INF2: variants seen among roughly 807,000 people sequenced by gnomAD.
INF2 encodes inverted formin-2.
INF2 carries 43 observed loss-of-function variants against 123.5 expected under a neutral mutation model. The ratio of observed to expected loss-of-function variants is 0.35; its 90% CI spans 0.27 to 0.45. INF2 has a LOEUF of 0.45. Ranked by LOEUF, INF2 falls within the 20% of genes least tolerant of loss-of-function variation. The probability of loss-of-function intolerance (pLI) is 1.00; values close to 1 mark genes in which losing one functional copy is unlikely to be tolerated. For missense variants in INF2, 1,453 were observed against 1,682.7 expected (o/e 0.86, Z 2.39); for synonymous variants, 851 against 745.0 (o/e 1.14, Z -2.32).
chr14:104,711,227 TC>T (rs969503914), intron 15 of INF2, 41 bp downstream of exon 15: 5 of 1,479,518 alleles, frequency 3.4e-6, no homozygotes, highest in Non-Finnish European at 3.7e-6. Flanking sequence ...GGGCTTCAAG[TC>T]CCCCCGGACC....
At chr14:104,686,174 G>A (rs1888657759), upstream of INF2, among the ~76,000 whole-genome samples, 1 of 150,924 alleles carries the variant, frequency 6.6e-6, no homozygotes, top group South Asian at 2.1e-4. Flanking sequence ...ATGGATGGAT[G>A]AGTAGATGAT....
rs112340163 is a variant in INF2, at chr14:104,700,171, C to T, written c.-9-1186C>T. Among the ~76,000 whole-genome samples the T allele has an allele frequency of 8.1e-3, 1,232 of 152,284 alleles. 22 individuals are homozygous for T. The highest frequency in any genetic ancestry group is 0.028 in the African/African-American group (1,168 of 41,546). On this transcript the variant is annotated intron_variant, in intron 1 of 22. Coordinates refer to ENST00000392634, the MANE Select transcript of INF2 (RefSeq NM_022489.4). ...TTCAGCCTGGGGTCCCCTGACTTAC[C>T]GGGTTGGGCAGCACTTGAAGCAAAG...
intron 1 of INF2, chr14:104,700,862 G>T: frequency 1.0e-6 from 1 of 985,372 alleles, no homozygotes; most frequent in South Asian, 4.7e-5. Context: ...AGGCATGCCT[G>T]AGGTTTGGAA....
intron 5 of INF2, chr14:104,704,259 A>G (rs770142813): frequency 9.6e-6 from 11 of 1,145,810 alleles, no homozygotes; most frequent in Non-Finnish European, 1.3e-5. Flanking sequence ...ACCCAGAAAC[A>G]GAAAATGAAA....
At chr14:104,688,970 A>G (rs1888785106), upstream of INF2, among the ~76,000 whole-genome samples, 1 of 152,200 alleles carries the variant, frequency 6.6e-6, no homozygotes, top group African/African-American at 2.4e-5. Context: ...GAGGGGTGGC[A>G]GAGAAAACCC....
At chr14:104,711,758 C>G in intron 16 of INF2, 59 bp downstream of exon 16, 1 of 1,535,284 alleles carries the variant, frequency 6.5e-7, no homozygotes, top group Non-Finnish European at 9.0e-7. Flanking sequence ...CTTCTGTCCC[C>G]AGGCAGTGAG....
rs749197190 is a variant in INF2, at chr14:104,712,982, G to A, written c.2765G>A (p.Arg922His). The change falls in exon 18 of 23, where the codon CGC (arginine) becomes CAC (histidine). Residue 922 changes from arginine to histidine, a missense_variant. Arg to His is a conservative substitution (Grantham distance 29). Coordinates refer to ENST00000392634, the MANE Select transcript of INF2 (RefSeq NM_022489.4). Reference sequence around the variant, plus strand: ...AAGGCTTTCCGGGACCTTTTCCTCCGCGCCCTGAAGGTGGGGCAGCCCGGC... The same window carrying A: ...AAGGCTTTCCGGGACCTTTTCCTCCACGCCCTGAAGGTGGGGCAGCCCGGC... ...TMKAFRDLFL[R>H]ALKENKDRKE... 2.8e-5 allele frequency: 45 copies of A among 1,612,326 alleles called. No individual in the cohort carries two copies. In the East Asian group the frequency reaches 3.8e-4, roughly 14 times the overall value.
intron 22 of INF2, chr14:104,716,053 G>A: frequency 4.6e-6 from 2 of 432,144 alleles, no homozygotes; most frequent in Non-Finnish European, 9.3e-6. Flanking sequence ...AATGCATCCA[G>A]CTAGACAGGA....
At chr14:104,695,398 C>T (rs550872414) in intron 1 of INF2, among the ~76,000 whole-genome samples, 288 of 152,284 alleles carry the variant, frequency 1.9e-3, no homozygotes, top group South Asian at 8.7e-3. Flanking sequence ...GGGAGCACCC[C>T]GTTGGCCCTG....
At chr14:104,692,870 GGA>G (rs1889020149) in intron 1 of INF2, among the ~76,000 whole-genome samples, 1 of 152,222 alleles carries the variant, frequency 6.6e-6, no homozygotes, top group Non-Finnish European at 1.5e-5. Context: ...CAGCAGGGAG[GGA>G]GAGAGAGGTA....
chr14:104,707,239 A>G lies in INF2; in HGVS notation c.986-14A>G, dbSNP rs774186716. On this transcript the variant is annotated splice_polypyrimidine_tract_variant and intron_variant, in intron 7 of 22. Transcript: ENST00000392634. ...GCTCCCTTCTCCCTTGACCCTGGAC[A>G]TCCCCTACTGCAGCCCAGGAATGCA... The G allele has an allele frequency of 5.6e-6, 9 of 1,602,076 alleles. No individual in the cohort carries two copies. The highest frequency in any genetic ancestry group is 7.7e-6 in the Non-Finnish European group (9 of 1,174,438).
At chr14:104,716,412 C>A (rs73358691) in intron 22 of INF2, among the ~76,000 whole-genome samples, 2,257 of 152,284 alleles carry the variant, frequency 0.015, 52 homozygotes, top group African/African-American at 0.05. Flanking sequence ...TGTGAAGCAC[C>A]CACGTGTACT....
At position 104,714,711 on chromosome 14, in the gene INF2, C is replaced by T. The variant is rs1890210863; in HGVS notation, c.3549C>T (p.Ser1183=). Residue 1183 remains serine (S), a synonymous_variant, in exon 21 of 23, where the codon TCC becomes TCT. Coordinates refer to ENST00000392634, the MANE Select transcript of INF2 (RefSeq NM_022489.4). ...DEDEEDTAPE[S]ALDTSLDKSF... ...ACGAGGAGGACACGGCCCCAGAGTCCGCACTGGACACATCCCTGGACAAGT... is the reference window on the plus strand; with the variant it reads ...ACGAGGAGGACACGGCCCCAGAGTCTGCACTGGACACATCCCTGGACAAGT... The T allele has an allele frequency of 2.5e-6, 4 of 1,608,752 alleles. No individual in the cohort carries two copies. The highest frequency in any genetic ancestry group is 3.4e-6 in the Non-Finnish European group (4 of 1,177,186).
At chr14:104,682,661 GTC>G (rs1167954817) in intron 1 of INF2, among the ~76,000 whole-genome samples, 1 of 152,156 alleles carries the variant, frequency 6.6e-6, no homozygotes, top group Admixed American at 6.5e-5. Context: ...GGAAGAAAGA[GTC>G]TGATATACTT....
At position 104,699,148 on chromosome 14, in the gene INF2, C is replaced by T. The variant is rs1011605302; in HGVS notation, c.-9-2209C>T. 3.3e-5 allele frequency among the ~76,000 whole-genome samples: 5 copies of T among 152,042 alleles called. No homozygotes were observed. Among genetic ancestry groups the T allele is most frequent in the Admixed American group, 1.3e-4 (2 of 15,280 alleles). On this transcript the variant is annotated intron_variant, in intron 1 of 22. Transcript: ENST00000392634. The surrounding 1 kb of genome is among the most constrained non-coding windows in gnomAD (Gnocchi z 4.7). ...CTGGGGCCTGGGGCACGGTGGCTCT[C>T]GGCGGCACTGCTTGTCTCTAAAAGG... is the stretch of plus-strand genomic sequence containing the variant.
rs1160345670 is a variant in INF2 at position 104,715,298 on chromosome 14, T to A, written c.3709T>A (p.Ser1237Thr). The A allele has an allele frequency of 6.2e-7, 1 of 1,613,660 alleles. No individual in the cohort carries two copies. Among genetic ancestry groups the A allele is most frequent in the Admixed American group, 1.7e-5 (1 of 60,018 alleles). ...SRSQEEVPPD[S>T]DDNKTKKLCV... ...TTTGGAAGCAGAGGTTCCCCCTGAT[T>A]CTGATGATAATAAAACAAAGAAACT... The change falls in exon 22 of 23, where the codon TCT (serine) becomes ACT (threonine). Residue 1237 changes from serine (S) to threonine (T), a missense_variant. Transcript: ENST00000392634.
At chr14:104,690,802 G>A (rs1888907391) in intron 1 of INF2, 1 of 152,272 alleles carries the variant, frequency 6.6e-6, no homozygotes, top group Non-Finnish European at 1.5e-5. Context: ...CTGGGAAGGT[G>A]GGGTCCCAGA....
In INF2 at chr14:104,701,591, C is replaced by T; in HGVS notation, c.226C>T (p.Leu76=). ...VQFLEQSGLD[L]LLEALARLSG... is the part of the protein sequence containing the mutation. ...GTTCCTGGAGCAGAGCGGCCTGGACCTGCTGCTGGAGGCGCTGGCGCGGCT... is the reference window on the plus strand; with the variant it reads ...GTTCCTGGAGCAGAGCGGCCTGGACTTGCTGCTGGAGGCGCTGGCGCGGCT... Residue 76 remains leucine (L), a synonymous_variant, in exon 2 of 23, where the codon CTG becomes TTG. Coordinates refer to ENST00000392634, the MANE Select transcript of INF2 (RefSeq NM_022489.4). 3 of 1,607,582 alleles carry T rather than the reference C, an allele frequency of 1.9e-6. No individual in the cohort carries two copies. The highest frequency in any genetic ancestry group is 2.5e-6 in the Non-Finnish European group (3 of 1,178,812).
At chr14:104,689,337 G>A (rs1453017529), upstream of INF2, 4 of 844,300 alleles carry the variant, frequency 4.7e-6, no homozygotes, top group Non-Finnish European at 5.7e-6. Flanking sequence ...GGACAGTGGG[G>A]GCTGAGGCGG....
Sources: gnomAD v4.1 joint callset for allele counts (sites outside exome capture counted in the v4.1 genomes callset) on GRCh38, gnomAD v4.1.1 for gene constraint, Gnocchi (gnomAD v3.1) non-coding constraint, MANE v1.5 for transcripts, NCBI Gene and HGNC (gene_info 2026-07-23, HGNC 2026-07-21) for gene names.